The following PLCE1 variants were observed in gnomAD, a reference collection of about 807,000 sequenced individuals.
The protein encoded by PLCE1 is 1-phosphatidylinositol 4,5-bisphosphate phosphodiesterase epsilon-1.
A neutral mutation model predicts 242.8 loss-of-function variants in PLCE1; 119 were observed. The ratio of observed to expected loss-of-function variants is 0.49; its 90% CI spans 0.42 to 0.57. The LOEUF is 0.57. Among genes scored for constraint, PLCE1 ranks in the 20% least tolerant of loss-of-function variants. PLCE1 has a pLI of 0.00. For synonymous variants in PLCE1, 945 were observed against 1,017.4 expected (o/e 0.93, Z 1.35); for missense variants, 2,441 against 2,788.8 (o/e 0.88, Z 2.81).
chr10:94,188,332 A>T (rs2048547278), intron 4 of PLCE1, among the ~76,000 whole-genome samples: 1 of 152,188 alleles, frequency 6.6e-6, no homozygotes, highest in Admixed American at 6.5e-5. Context: ...TAGCTATGGA[A>T]ACCAACAACC....
chr10:94,171,641 G>A (rs1291609847), intron 4 of PLCE1, 145 bp downstream of exon 4: 2 of 735,202 alleles, frequency 2.7e-6, no homozygotes, highest in African/African-American at 1.7e-5. Flanking sequence ...TTCTTTCCAG[G>A]CAAAGAGACA....
At chr10:94,166,324 G>T (rs879422012) in intron 3 of PLCE1, among the ~76,000 whole-genome samples, 1 of 152,080 alleles carries the variant, frequency 6.6e-6, no homozygotes, top group Non-Finnish European at 1.5e-5. Flanking sequence ...AAGAATACAC[G>T]TTTAAAATTT....
At chr10:94,093,930 ATTTC>A (rs2045184055) in intron 2 of PLCE1, among the ~76,000 whole-genome samples, 1 of 93,050 alleles carries the variant, frequency 1.1e-5, no homozygotes, top group Non-Finnish European at 2.1e-5. Context: ...TTTAATCGGT[ATTTC>A]TTTTTTTTTT....
At chr10:94,055,477 G>A (rs973535277) in intron 2 of PLCE1, among the ~76,000 whole-genome samples, 9 of 151,762 alleles carry the variant, frequency 5.9e-5, no homozygotes, top group African/African-American at 1.2e-4. Context: ...TATCACACCC[G>A]GCTAATATTT....
intron 7 of PLCE1, among the ~76,000 whole-genome samples, chr10:94,242,757 T>C (rs2050552265): frequency 6.6e-6 from 1 of 152,154 alleles, no homozygotes; most frequent in African/African-American, 2.4e-5. Flanking sequence ...CACACAGTGA[T>C]GGGAGCTGTG....
At chr10:94,220,374 TTTTA>T (rs1434316011) in intron 4 of PLCE1, among the ~76,000 whole-genome samples, 18 of 38,412 alleles carry the variant, frequency 4.7e-4, no homozygotes, top group African/African-American at 1.3e-3. Context: ...AAACTAAACA[TTTTA>T]TATATATATA....
At chr10:94,062,995 C>T (rs2044100880) in intron 2 of PLCE1, among the ~76,000 whole-genome samples, 1 of 152,150 alleles carries the variant, frequency 6.6e-6, no homozygotes, top group African/African-American at 2.4e-5. Context: ...CCATTGCCTT[C>T]TCAACTCTTC....
intron 3 of PLCE1, among the ~76,000 whole-genome samples, chr10:94,149,260 G>T (rs2047205276): frequency 6.6e-6 from 1 of 152,140 alleles, no homozygotes; most frequent in Non-Finnish European, 1.5e-5. Flanking sequence ...CCAGAAGGTG[G>T]CTTCAAAAGC....
chr10:94,240,007 C>T (rs1000926836), intron 7 of PLCE1, among the ~76,000 whole-genome samples: 2 of 152,128 alleles, frequency 1.3e-5, no homozygotes, highest in African/African-American at 4.8e-5. Context: ...CTGGGGATAC[C>T]TGGGATCCTG....
chr10:94,139,599 C>T (rs1427107135), intron 3 of PLCE1: 1 of 152,160 alleles, frequency 6.6e-6, no homozygotes, highest in Admixed American at 6.6e-5. Context: ...TTTTTATTTA[C>T]TAAACATAAA....
chr10:94,032,103 T>C lies in PLCE1; in HGVS notation c.1057T>C (p.Ser353Pro). Residue 353 changes from serine (S) to proline (P), a missense_variant, in exon 2 of 33, where the codon TCT becomes CCT. By Grantham distance (74) the Ser-to-Pro change is moderately conservative. Coordinates refer to ENST00000371380, the MANE Select transcript of PLCE1 (RefSeq NM_016341.4). ...AAGAGCAATTGTGAGAACTCTGCCT[T>C]CTGGCCACATTGGGCTGACTGCATG... ...GTRAIVRTLP[S>P]GHIGLTAWSY... The C allele has an allele frequency of 5.0e-6, 8 of 1,611,230 alleles. No homozygotes were observed. Among genetic ancestry groups the C allele is most frequent in the Non-Finnish European group, 6.8e-6 (8 of 1,178,946 alleles).
chr10:94,105,756 C>T (rs1283361124), intron 2 of PLCE1: 1 of 152,134 alleles, frequency 6.6e-6, no homozygotes, highest in Non-Finnish European at 1.5e-5. Flanking sequence ...TAGTCAAGGC[C>T]CTTTATCATC....
At chr10:94,116,327 C>T (rs2046128210) in intron 2 of PLCE1, among the ~76,000 whole-genome samples, 1 of 152,132 alleles carries the variant, frequency 6.6e-6, no homozygotes, top group Non-Finnish European at 1.5e-5. Flanking sequence ...CTGTGTGTGA[C>T]CTCTGACTGA....
At chr10:94,238,228 C>G (rs1446507797) in intron 7 of PLCE1, among the ~76,000 whole-genome samples, 2 of 152,202 alleles carry the variant, frequency 1.3e-5, no homozygotes, top group Non-Finnish European at 2.9e-5. Context: ...CAAGAGCAGC[C>G]TGGGCAACAT....
At chr10:94,099,740 G>A (rs2045451755) in intron 2 of PLCE1, 2 of 152,200 alleles carry the variant, frequency 1.3e-5, no homozygotes, top group South Asian at 4.1e-4. Context: ...TAGGAATGTG[G>A]AAAATGGAGA....
Position 94,324,533 on chromosome 10 carries a change from G to A in PLCE1, c.6686G>A (p.Gly2229Glu), listed in dbSNP as rs1156639637. ...FQAQSKWKGA[G>E]KFILKLKEQV... Reference sequence around the variant, plus strand: ...GCCCAAAGCAAGTGGAAAGGTGCAGGAAAATTCATCCTTAAGCTAAAGGAG... The same window carrying A: ...GCCCAAAGCAAGTGGAAAGGTGCAGAAAAATTCATCCTTAAGCTAAAGGAG... The change falls in exon 31 of 33, where the codon GGA becomes GAA. Residue 2229 changes from glycine to glutamate, a missense_variant. Transcript: ENST00000371380. The A allele has an allele frequency of 1.2e-6, 2 of 1,614,148 alleles. No homozygotes were observed. The highest frequency in any genetic ancestry group is 1.7e-6 in the Non-Finnish European group (2 of 1,180,004).
intron 4 of PLCE1, among the ~76,000 whole-genome samples, chr10:94,197,322 T>A (rs1408404098): frequency 6.6e-6 from 1 of 152,202 alleles, no homozygotes; most frequent in Non-Finnish European, 1.5e-5. Flanking sequence ...TTTGAGCATA[T>A]GTTTTTATTT....
intron 2 of PLCE1, chr10:94,109,033 A>G (rs1182735950): frequency 6.6e-6 from 1 of 152,230 alleles, no homozygotes; most frequent in Non-Finnish European, 1.5e-5. Flanking sequence ...AGACAAGCAG[A>G]AACCCAGGTC....
At chr10:94,273,461 T>G (rs1417156550) in intron 18 of PLCE1, 101 bp from the exon 19 acceptor site, 1 of 1,164,426 alleles carries the variant, frequency 8.6e-7, no homozygotes, top group Non-Finnish European at 1.3e-6. Flanking sequence ...TTTTAAATAA[T>G]TCAACCAGTC....
Sources: allele counts gnomAD v4.1 joint callset (sites outside exome capture counted in the v4.1 genomes callset), GRCh38; gene constraint gnomAD v4.1.1; transcripts MANE v1.5; gene names NCBI Gene and HGNC (gene_info 2026-07-23, HGNC 2026-07-21).